Variants in CACNA2D3 observed in about 807,000 individuals in gnomAD.
The protein encoded by CACNA2D3 is voltage-dependent calcium channel subunit alpha-2/delta-3.
A neutral mutation model predicts 160.6 loss-of-function variants in CACNA2D3; 60 were observed. The ratio of observed to expected loss-of-function variants is 0.37; its 90% CI spans 0.30 to 0.46. The LOEUF (loss-of-function observed/expected upper bound fraction) is 0.46. Among genes scored for constraint, CACNA2D3 ranks in the 20% least tolerant of loss-of-function variants. The pLI is 1.00. For synonymous variants in CACNA2D3, 558 were observed against 492.9 expected (o/e 1.13, Z -1.75); for missense variants, 1,205 against 1,365.0 (o/e 0.88, Z 1.85).
At chr3:54,797,610 T>C (rs1057286048) in intron 13 of CACNA2D3, among the ~76,000 whole-genome samples, 6 of 152,198 alleles carry the variant, frequency 3.9e-5, no homozygotes, top group Admixed American at 2.6e-4. Flanking sequence ...CAAGTTCTTT[T>C]TGAACTTTTT....
intron 9 of CACNA2D3, among the ~76,000 whole-genome samples, chr3:54,618,592 A>AG (rs1490181233): frequency 6.6e-6 from 1 of 152,144 alleles, no homozygotes; most frequent in Non-Finnish European, 1.5e-5. Flanking sequence ...TCATACAGAA[A>AG]AAGTCCAAAT....
chr3:55,019,703 T>C (rs1703405989), intron 35 of CACNA2D3, among the ~76,000 whole-genome samples: 2 of 152,160 alleles, frequency 1.3e-5, no homozygotes, highest in African/African-American at 4.8e-5. Context: ...ATATCATTTG[T>C]GAAACATTTT....
At chr3:54,143,831 C>CT (rs774207206) in intron 2 of CACNA2D3, among the ~76,000 whole-genome samples, 5 of 151,998 alleles carry the variant, frequency 3.3e-5, no homozygotes, top group Admixed American at 2.0e-4. Flanking sequence ...TTCTTTGAGT[C>CT]TTTTTTCTTT....
At chr3:54,930,584 C>T (rs567368331) in intron 27 of CACNA2D3, among the ~76,000 whole-genome samples, 2 of 152,172 alleles carry the variant, frequency 1.3e-5, no homozygotes, top group South Asian at 4.1e-4. Context: ...TGGCAGAGAA[C>T]CAAAGGCAGT....
chr3:54,835,906 A>G (rs531373764), intron 14 of CACNA2D3, among the ~76,000 whole-genome samples: 10 of 152,272 alleles, frequency 6.6e-5, no homozygotes, highest in Admixed American at 5.9e-4. Context: ...CATGCTGGGC[A>G]GTTTTCTGTT....
intron 27 of CACNA2D3, among the ~76,000 whole-genome samples, chr3:54,901,727 G>A (rs946327407): frequency 6.6e-6 from 1 of 152,192 alleles, no homozygotes; most frequent in Non-Finnish European, 1.5e-5. Flanking sequence ...TAGAATTGGT[G>A]ACTGTTACCC....
intron 11 of CACNA2D3, among the ~76,000 whole-genome samples, chr3:54,644,891 A>G (rs1310722886): frequency 6.6e-6 from 1 of 152,214 alleles, no homozygotes; most frequent in Non-Finnish European, 1.5e-5. Flanking sequence ...AGGCTTTGCC[A>G]TATTGCTGCC....
At chr3:54,738,942 T>G (rs929903943) in intron 11 of CACNA2D3, among the ~76,000 whole-genome samples, 1 of 152,084 alleles carries the variant, frequency 6.6e-6, no homozygotes, top group South Asian at 2.1e-4. Context: ...CCCAGGAGTT[T>G]AAGACCAGCC....
intron 35 of CACNA2D3, among the ~76,000 whole-genome samples, chr3:55,037,247 G>A (rs1477126888): frequency 6.6e-6 from 1 of 152,222 alleles, no homozygotes; most frequent in Non-Finnish European, 1.5e-5. Context: ...GAAGTTGTCT[G>A]AAGTGATGCA....
chr3:54,540,268 G>A (rs1701951461), intron 5 of CACNA2D3, among the ~76,000 whole-genome samples: 1 of 152,106 alleles, frequency 6.6e-6, no homozygotes, highest in Non-Finnish European at 1.5e-5. Flanking sequence ...CTGGATAACA[G>A]CGTTTCTCCC....
intron 11 of CACNA2D3, among the ~76,000 whole-genome samples, chr3:54,720,872 T>C (rs1559558667): frequency 6.6e-6 from 1 of 152,174 alleles, no homozygotes; most frequent in Non-Finnish European, 1.5e-5. Context: ...TACATTGTGC[T>C]TTACATGGTT....
intron 2 of CACNA2D3, among the ~76,000 whole-genome samples, chr3:54,251,381 T>C (rs749290070): frequency 5.3e-5 from 8 of 152,234 alleles, no homozygotes; most frequent in Admixed American, 1.3e-4. Context: ...TATGTATTTG[T>C]ATTTTAAAGT....
chr3:54,966,139 G>C (rs1702144355), intron 27 of CACNA2D3, among the ~76,000 whole-genome samples: 1 of 151,998 alleles, frequency 6.6e-6, no homozygotes, highest in African/African-American at 2.4e-5. Context: ...CGGGGGTGGG[G>C]GTCTCAGAAA....
intron 4 of CACNA2D3, among the ~76,000 whole-genome samples, chr3:54,434,212 G>A (rs879309553): frequency 2.0e-5 from 3 of 152,242 alleles, no homozygotes; most frequent in African/African-American, 4.8e-5. Flanking sequence ...GGCAATGCAA[G>A]TTGGGGGTAG....
intron 2 of CACNA2D3, among the ~76,000 whole-genome samples, chr3:54,208,790 G>T (rs1217137720): frequency 6.6e-6 from 1 of 151,700 alleles, no homozygotes; most frequent in Non-Finnish European, 1.5e-5. Context: ...TTGAGAATGT[G>T]GTGAGGAGGT....
At chr3:54,693,189 A>G (rs1700599982) in intron 11 of CACNA2D3, among the ~76,000 whole-genome samples, 1 of 152,252 alleles carries the variant, frequency 6.6e-6, no homozygotes, top group Non-Finnish European at 1.5e-5. Context: ...TGGGCATCTT[A>G]ACACTAAAAT....
At position 54,836,320 on chromosome 3, in the gene CACNA2D3, C is replaced by T. The variant is rs185749791; in HGVS notation, c.1399-839C>T. Among the ~76,000 whole-genome samples the T allele has an allele frequency of 7.7e-3, 1,159 of 150,926 alleles. 6 individuals are homozygous for T. Among genetic ancestry groups the T allele is most frequent in the Middle Eastern group, 0.024 (7 of 290 alleles). On this transcript the variant is annotated intron_variant, in intron 14 of 37. Transcript: ENST00000474759. ...CACTATCTCGGCCCACTGCAAGCTC[C>T]GTTTCCCGGGTTCACACCATTCTCC...
chr3:54,307,346 T>C (rs991887664), intron 2 of CACNA2D3, among the ~76,000 whole-genome samples: 1 of 152,148 alleles, frequency 6.6e-6, no homozygotes, highest in Non-Finnish European at 1.5e-5. Flanking sequence ...TAGTACTGTT[T>C]ATGGTGATGC....
At chr3:54,400,768 C>T (rs1029806021) in intron 4 of CACNA2D3, among the ~76,000 whole-genome samples, 2 of 152,136 alleles carry the variant, frequency 1.3e-5, no homozygotes, top group Non-Finnish European at 2.9e-5. Context: ...AAAAGCCAGT[C>T]TGTAAAGTTT....
Sources: gnomAD v4.1 joint callset for allele counts (sites outside exome capture counted in the v4.1 genomes callset) on GRCh38, gnomAD v4.1.1 for gene constraint, MANE v1.5 for transcripts, NCBI Gene and HGNC (gene_info 2026-07-23, HGNC 2026-07-21) for gene names.